Variants in SPAG16 observed in about 807,000 individuals in gnomAD.
The protein encoded by SPAG16 is sperm associated antigen 16.
SPAG16 carries 86 observed loss-of-function variants against 80.4 expected under a neutral mutation model. That is an observed-to-expected ratio of 1.07 (90% CI 0.90 to 1.28). The LOEUF (loss-of-function observed/expected upper bound fraction) is 1.28. SPAG16 is among the 50% of genes most tolerant of loss of function. SPAG16 has a pLI of 0.00. For missense variants in SPAG16, 870 were observed against 765.3 expected, an observed-to-expected ratio of 1.14 and a Z score of -1.61; for synonymous variants, 294 against 265.9, an observed-to-expected ratio of 1.11 and a Z score of -1.03.
At chr2:214,249,568 A>C (rs1690101201) in intron 15 of SPAG16, among the ~76,000 whole-genome samples, 1 of 152,148 alleles carries the variant, frequency 6.6e-6, no homozygotes, top group African/African-American at 2.4e-5. Flanking sequence ...AAAACAAATT[A>C]TTTTTATATG....
chr2:214,029,281 G>A (rs2048291353), intron 13 of SPAG16, among the ~76,000 whole-genome samples: 1 of 151,964 alleles, frequency 6.6e-6, no homozygotes. Flanking sequence ...CAGCAGGAGT[G>A]GATGAGTGAG....
intron 10 of SPAG16, among the ~76,000 whole-genome samples, chr2:213,651,408 A>G (rs1299519896): frequency 6.6e-6 from 1 of 152,200 alleles, no homozygotes; most frequent in East Asian, 1.9e-4. Flanking sequence ...CATTGGTGAT[A>G]GGGGTTCCCT....
intron 13 of SPAG16, among the ~76,000 whole-genome samples, chr2:214,076,264 T>G (rs1035494680): frequency 2.6e-5 from 4 of 152,160 alleles, no homozygotes; most frequent in Non-Finnish European, 4.4e-5. Context: ...CTGCACTACT[T>G]GAAGACACAA....
chr2:214,189,889 C>T (rs2057602336), intron 15 of SPAG16, among the ~76,000 whole-genome samples: 1 of 151,972 alleles, frequency 6.6e-6, no homozygotes, highest in African/African-American at 2.4e-5. Context: ...CAACAATCCC[C>T]TTTAACAACT....
At chr2:213,599,448 C>A (rs1177952180) in intron 10 of SPAG16, among the ~76,000 whole-genome samples, 1 of 152,168 alleles carries the variant, frequency 6.6e-6, no homozygotes, top group Non-Finnish European at 1.5e-5. Context: ...TCCTCTTCCT[C>A]GGCCTACTCA....
chr2:214,075,470 C>T (rs568950111), intron 13 of SPAG16, among the ~76,000 whole-genome samples: 84 of 152,116 alleles, frequency 5.5e-4, no homozygotes, highest in African/African-American at 1.7e-3. Flanking sequence ...GGCTTCTGGA[C>T]GCCGTAATGA....
At chr2:213,991,006 C>CT (rs1002262815) in intron 12 of SPAG16, among the ~76,000 whole-genome samples, 5 of 151,364 alleles carry the variant, frequency 3.3e-5, no homozygotes, top group South Asian at 2.1e-4. Flanking sequence ...ATTTTTTTTT[C>CT]TTTTTTTTAT....
intron 9 of SPAG16, among the ~76,000 whole-genome samples, chr2:213,418,517 G>T (rs556871516): frequency 1.9e-4 from 29 of 152,214 alleles, no homozygotes; most frequent in African/African-American, 6.3e-4. Context: ...AGAGCTGTTT[G>T]TTATTCTCTA....
chr2:213,305,416 G>A (rs1350052481), intron 3 of SPAG16, among the ~76,000 whole-genome samples: 3 of 152,068 alleles, frequency 2.0e-5, no homozygotes, highest in South Asian at 2.1e-4. Flanking sequence ...GTGACGATGG[G>A]CATCCTTGTT....
chr2:213,839,169 A>T (rs995497365), intron 10 of SPAG16, among the ~76,000 whole-genome samples: 7 of 152,216 alleles, frequency 4.6e-5, no homozygotes, highest in African/African-American at 1.2e-4. Flanking sequence ...AAATATCACC[A>T]TTCTTCAACT....
chr2:213,954,193 G>A (rs923262946), intron 12 of SPAG16, among the ~76,000 whole-genome samples: 10 of 148,970 alleles, frequency 6.7e-5, no homozygotes, highest in South Asian at 2.1e-4. Flanking sequence ...GTAGTGCTGC[G>A]GCACAATCTT....
chr2:213,761,885 A>C (rs1389391583), intron 10 of SPAG16, among the ~76,000 whole-genome samples: 1 of 42,570 alleles, frequency 2.3e-5, no homozygotes, highest in Non-Finnish European at 7.5e-5. Context: ...AAATAAAAAC[A>C]AAAAAACAAA....
chr2:214,206,325 C>T (rs1187219941), intron 15 of SPAG16, among the ~76,000 whole-genome samples: 1 of 152,174 alleles, frequency 6.6e-6, no homozygotes, highest in East Asian at 1.9e-4. Context: ...CTCCCCTCTA[C>T]CTTCATGAGA....
intron 10 of SPAG16, among the ~76,000 whole-genome samples, chr2:213,535,188 A>G (rs1206334880): frequency 6.6e-6 from 1 of 152,148 alleles, no homozygotes; most frequent in Admixed American, 6.6e-5. Flanking sequence ...TTTGGCATCC[A>G]AACAAAAATT....
At chr2:214,254,346 G>A (rs1428445647) in intron 15 of SPAG16, among the ~76,000 whole-genome samples, 1 of 152,106 alleles carries the variant, frequency 6.6e-6, no homozygotes, top group Non-Finnish European at 1.5e-5. Context: ...GTAAGAGGGG[G>A]CATCCTTGTC....
chr2:213,291,550 T>C (rs1472525570), intron 1 of SPAG16, among the ~76,000 whole-genome samples: 1 of 152,234 alleles, frequency 6.6e-6, no homozygotes, highest in African/African-American at 2.4e-5. Flanking sequence ...GTCTGTAGCC[T>C]GTAGCTCTTT....
chr2:213,578,640 A>C lies in SPAG16; in HGVS notation c.1070+88550A>C, dbSNP rs972821790. Among the ~76,000 whole-genome samples the C allele has an allele frequency of 2.0e-5, 3 of 152,252 alleles. No homozygotes were observed. The East Asian group carries it at 5.8e-4, about 29-fold the overall frequency. ...GAATGAAATCAGAATGACTCAAGGCATCGCTTCTACACTTTTTGGCTAAAA... is the reference window on the plus strand; with the variant it reads ...GAATGAAATCAGAATGACTCAAGGCCTCGCTTCTACACTTTTTGGCTAAAA... On this transcript the variant is annotated intron_variant, in intron 10 of 15. Coordinates refer to ENST00000331683, the MANE Select transcript of SPAG16 (RefSeq NM_024532.5).
At chr2:214,327,247 T>C (rs1696562158) in intron 15 of SPAG16, among the ~76,000 whole-genome samples, 1 of 152,158 alleles carries the variant, frequency 6.6e-6, no homozygotes, top group African/African-American at 2.4e-5. Context: ...GTTAGTCCAA[T>C]TGCATGATAA....
intron 8 of SPAG16, among the ~76,000 whole-genome samples, chr2:213,366,091 G>A (rs371647338): frequency 0.01 from 1,491 of 142,448 alleles, 14 homozygotes; most frequent in Middle Eastern, 0.025. Context: ...GCAGTGAGCC[G>A]AGATCCCGCC....
Sources: gnomAD v4.1 joint callset for allele counts (sites outside exome capture counted in the v4.1 genomes callset) on GRCh38, gnomAD v4.1.1 for gene constraint, MANE v1.5 for transcripts, NCBI Gene and HGNC (gene_info 2026-07-23, HGNC 2026-07-21) for gene names.